The following DSCAM variants were observed in gnomAD, a reference collection of about 807,000 sequenced individuals.
DSCAM encodes the protein cell adhesion molecule DSCAM.
Under a neutral mutation model 217.7 loss-of-function variants are expected in DSCAM, and 47 were observed. That is an observed-to-expected ratio of 0.22 (90% CI 0.17 to 0.28). The LOEUF is 0.28. DSCAM is among the 10% of genes least tolerant of loss of function. The pLI is 1.00. For synonymous variants in DSCAM, 1,056 were observed against 1,015.3 expected (o/e 1.04, Z -0.76); for missense variants, 2,080 against 2,618.3 (o/e 0.79, Z 4.49).
intron 23 of DSCAM, among the ~76,000 whole-genome samples, chr21:40,084,324 A>G (rs1396893727): frequency 6.6e-6 from 1 of 152,186 alleles, no homozygotes; most frequent in African/African-American, 2.4e-5. Flanking sequence ...AAACTTACTA[A>G]GGATACATGC....
At chr21:40,458,590 A>T (rs566513859) in intron 3 of DSCAM, among the ~76,000 whole-genome samples, 30 of 152,330 alleles carry the variant, frequency 2.0e-4, no homozygotes, top group African/African-American at 7.2e-4. Context: ...ACAAGAATGA[A>T]TGCATTTGAA....
intron 4 of DSCAM, among the ~76,000 whole-genome samples, chr21:40,359,441 A>T (rs776508139): frequency 3.3e-5 from 5 of 152,240 alleles, no homozygotes; most frequent in Non-Finnish European, 5.9e-5. Context: ...AAAGTGTTTA[A>T]ACTTCAATTT....
chr21:40,025,236 G>A (rs1390657156), intron 32 of DSCAM, among the ~76,000 whole-genome samples: 1 of 96,760 alleles, frequency 1.0e-5, no homozygotes, highest in Non-Finnish European at 2.2e-5. Context: ...TGATCATGGT[G>A]GATAAGCTTT....
chr21:40,804,799 C>T (rs555328305), intron 1 of DSCAM, among the ~76,000 whole-genome samples: 143 of 152,106 alleles, frequency 9.4e-4, no homozygotes, highest in Non-Finnish European at 1.7e-3. Context: ...TTGCTAAATT[C>T]CCATCTATAA....
At chr21:40,444,933 G>A (rs888174920) in intron 3 of DSCAM, among the ~76,000 whole-genome samples, 9 of 152,114 alleles carry the variant, frequency 5.9e-5, no homozygotes, top group Non-Finnish European at 8.8e-5. Context: ...ACTGACCTAC[G>A]CTTGCCCTAC....
At chr21:40,506,720 A>G (rs2076212911) in intron 3 of DSCAM, among the ~76,000 whole-genome samples, 1 of 152,218 alleles carries the variant, frequency 6.6e-6, no homozygotes, top group African/African-American at 2.4e-5. Context: ...AGGAATCACT[A>G]GGTATATCCA....
At position 40,085,639 on chromosome 21, in the gene DSCAM, C is replaced by A. The variant is rs777548406; in HGVS notation, c.4095G>T (p.Trp1365Cys). Residue 1365 changes from tryptophan (W) to cysteine (C), a missense_variant, in exon 23 of 33, where the codon TGG becomes TGT. This residue lies in a region of DSCAM where 1,144 missense variants were observed against 1,421.1 expected (regional missense o/e 0.81). Transcript: ENST00000400454. Reference sequence around the variant, plus strand: ...AGTTTAAAATAATTTCATCAGATCCCCAGTTGTTATTGGCAATGCAGCTGT... The same window carrying A: ...AGTTTAAAATAATTTCATCAGATCCACAGTTGTTATTGGCAATGCAGCTGT... ...GYYSCIANNN[W>C]GSDEIILNLQ... is the part of the protein sequence containing the mutation. 6.3e-7 allele frequency: 1 copy of A among 1,580,692 alleles called. No homozygotes were observed. Among genetic ancestry groups the A allele is most frequent in the Non-Finnish European group, 8.7e-7 (1 of 1,154,568 alleles).
intron 3 of DSCAM, among the ~76,000 whole-genome samples, chr21:40,667,741 G>A (rs898832423): frequency 3.3e-5 from 5 of 152,028 alleles, no homozygotes; most frequent in African/African-American, 1.2e-4. Flanking sequence ...CTCTCCTGTC[G>A]CCATGTGAAG....
Position 40,353,729 on chromosome 21 carries a change from C to T in DSCAM, c.670G>A (p.Ala224Thr). 2 of 1,548,046 alleles carry T rather than the reference C, an allele frequency of 1.3e-6. No individual in the cohort carries two copies. Among genetic ancestry groups the T allele is most frequent in the Admixed American group, 2.2e-5 (1 of 45,722 alleles). Residue 224 changes from alanine (A) to threonine (T), a missense_variant, in exon 5 of 33, where the codon GCC becomes ACC. Transcript: ENST00000400454. ...RLFVSDPANS[A>T]PSILDGFDHR... ...TCAAACCCATCCAGTATGGATGGGGCTGAGTTCGCTGGGTCTGTAGAAGAA... is the reference window on the plus strand; with the variant it reads ...TCAAACCCATCCAGTATGGATGGGGTTGAGTTCGCTGGGTCTGTAGAAGAA...
At chr21:40,546,710 G>T (rs978312099) in intron 3 of DSCAM, among the ~76,000 whole-genome samples, 1 of 152,154 alleles carries the variant, frequency 6.6e-6, no homozygotes, top group African/African-American at 2.4e-5. Flanking sequence ...AAATAAGTTT[G>T]ATTTAGCAAA....
intron 1 of DSCAM, among the ~76,000 whole-genome samples, chr21:40,713,985 T>C (rs1020849178): frequency 2.0e-5 from 3 of 152,208 alleles, no homozygotes; most frequent in Middle Eastern, 3.2e-3. Context: ...GTCCCAGGCC[T>C]GGCTTAACTT....
chr21:40,426,801 G>T (rs2075479168), intron 3 of DSCAM, among the ~76,000 whole-genome samples: 2 of 152,066 alleles, frequency 1.3e-5, no homozygotes, highest in East Asian at 1.9e-4. Flanking sequence ...TGGGCTGGGG[G>T]GTTGGAGCAG....
chr21:40,299,600 A>T (rs2073991917), intron 9 of DSCAM, among the ~76,000 whole-genome samples: 1 of 152,182 alleles, frequency 6.6e-6, no homozygotes, highest in Non-Finnish European at 1.5e-5. Context: ...TGAAGACAAC[A>T]GGCATATGGT....
intron 3 of DSCAM, among the ~76,000 whole-genome samples, chr21:40,557,001 G>A (rs1330348450): frequency 2.0e-5 from 3 of 152,072 alleles, no homozygotes; most frequent in African/African-American, 4.8e-5. Context: ...GGAGAAGGTG[G>A]AAGGGGAGGC....
rs577129230 is a variant in DSCAM, at chr21:40,776,822, T to C, written c.44-68051A>G. On this transcript the variant is annotated intron_variant, in intron 1 of 32. Transcript: ENST00000400454. Reference sequence around the variant, plus strand: ...AGAGTGTTCTTCTTAAAAAATTACATGTGGCTTTTAATTCAAGATGGTAGA... The same window carrying C: ...AGAGTGTTCTTCTTAAAAAATTACACGTGGCTTTTAATTCAAGATGGTAGA... Among the ~76,000 whole-genome samples the C allele has an allele frequency of 3.3e-5, 5 of 152,318 alleles. No homozygotes were observed. The East Asian group carries it at 5.8e-4, about 18-fold the overall frequency.
chr21:40,282,431 CA>C (rs577601383), intron 10 of DSCAM, among the ~76,000 whole-genome samples: 25 of 146,714 alleles, frequency 1.7e-4, no homozygotes, highest in African/African-American at 2.5e-4. Flanking sequence ...ACTAAAAATA[CA>C]AAAAAAAAAT....
chr21:40,537,952 C>A (rs975679411), intron 3 of DSCAM, among the ~76,000 whole-genome samples: 1 of 152,056 alleles, frequency 6.6e-6, no homozygotes, highest in African/African-American at 2.4e-5. Flanking sequence ...TTTGGAGGGC[C>A]CTGAAGTGGG....
intron 10 of DSCAM, among the ~76,000 whole-genome samples, chr21:40,281,893 T>C (rs1045874403): frequency 2.6e-5 from 4 of 152,232 alleles, no homozygotes; most frequent in Non-Finnish European, 4.4e-5. Flanking sequence ...AGTGTTTCTA[T>C]GTAATTATTT....
chr21:40,312,496 T>C, intron 8 of DSCAM, 137 bp from the exon 9 acceptor site: 1 of 987,528 alleles, frequency 1.0e-6, no homozygotes. Context: ...GTAGCAAATT[T>C]GAAATTCTGC....
Sources: gnomAD v4.1 joint callset for allele counts (sites outside exome capture counted in the v4.1 genomes callset) on GRCh38, gnomAD v4.1.1 for gene constraint, gnomAD v4.1.1 regional missense constraint, MANE v1.5 for transcripts, NCBI Gene and HGNC (gene_info 2026-07-23, HGNC 2026-07-21) for gene names.